The following CSMD2 variants were observed in gnomAD, a reference collection of about 807,000 sequenced individuals.
The protein encoded by CSMD2 is CUB and Sushi multiple domains 2.
In CSMD2, 130 loss-of-function variants were observed where a neutral mutation model predicts 398.5. The observed-to-expected ratio is 0.33, with a 90% CI of 0.28 to 0.38. The LOEUF (loss-of-function observed/expected upper bound fraction) is 0.38, where lower values mean the gene tolerates loss of function less well. Ranked by LOEUF, CSMD2 falls within the 10% of genes least tolerant of loss-of-function variation. CSMD2 has a pLI of 1.00. For synonymous variants in CSMD2, 1,828 were observed against 1,908.5 expected, an observed-to-expected ratio of 0.96 and a Z score of 1.10; for missense variants, 3,829 against 4,764.9, an observed-to-expected ratio of 0.80 and a Z score of 5.78.
intron 5 of CSMD2, among the ~76,000 whole-genome samples, chr1:33,854,741 T>C (rs1229919235): frequency 6.6e-6 from 1 of 152,270 alleles, no homozygotes; most frequent in African/African-American, 2.4e-5. Context: ...CAGCTAATTG[T>C]TAGCTCCAGG....
chr1:34,145,645 C>T (rs1162544651), intron 1 of CSMD2, among the ~76,000 whole-genome samples: 1 of 152,196 alleles, frequency 6.6e-6, no homozygotes, highest in Non-Finnish European at 1.5e-5. Context: ...ACACAAGACT[C>T]TTGGGAGGAA....
intron 25 of CSMD2, among the ~76,000 whole-genome samples, chr1:33,676,774 A>G (rs1225980893): frequency 5.3e-5 from 8 of 152,136 alleles, no homozygotes; most frequent in South Asian, 4.1e-4. Context: ...ATAGACCAAT[A>G]GAACAGAACA....
intron 48 of CSMD2, 68 bp downstream of exon 48, chr1:33,580,685 C>A: frequency 6.4e-7 from 1 of 1,568,370 alleles, no homozygotes; most frequent in South Asian, 1.2e-5. Flanking sequence ...GCCGCCCGGT[C>A]TCCACAGAGG....
Position 34,165,136 on chromosome 1 carries a change from C to T in CSMD2, c.-39G>A. 1 of 1,210,994 alleles carries T rather than the reference C, an allele frequency of 8.3e-7. No homozygotes were observed. The highest frequency in any genetic ancestry group is 4.4e-5 in the Admixed American group (1 of 22,946). 75.0% of individuals were successfully genotyped at this position (1,210,994 alleles called of 1,614,324 possible). A position where few individuals can be genotyped will look rare whatever the true frequency, so the allele number is the denominator to read the frequency against. The stretch of plus-strand genomic sequence containing the variant: ...GCGCCGAGGGAGAGGCTCCGCTCGC[C>T]GCCGAGGAGAAAGGAGGTCAGGAGA... On this transcript the variant is annotated 5_prime_UTR_variant, in exon 1 of 71. Coordinates refer to ENST00000373381, the MANE Select transcript of CSMD2 (RefSeq NM_001281956.2).
chr1:34,123,469 G>T (rs991508709), intron 1 of CSMD2, among the ~76,000 whole-genome samples: 2 of 151,760 alleles, frequency 1.3e-5, no homozygotes, highest in African/African-American at 4.8e-5. Context: ...ACTGGTAAAC[G>T]TATGTGTTTC....
At position 33,540,506 on chromosome 1, in the gene CSMD2, G is replaced by A. The variant is rs1656228271; in HGVS notation, c.9631+19C>T. The A allele has an allele frequency of 1.9e-6, 3 of 1,613,670 alleles. No individual in the cohort carries two copies. Among genetic ancestry groups the A allele is most frequent in the Middle Eastern group, 1.7e-4 (1 of 6,056 alleles). Reference sequence around the variant, plus strand: ...AGCTATTGAAGAGGATGCACCAAAGGCCCTTGTAAGCAACTTACGGAAACA... The same window carrying A: ...AGCTATTGAAGAGGATGCACCAAAGACCCTTGTAAGCAACTTACGGAAACA... On this transcript the variant is annotated intron_variant, in intron 60 of 70. Transcript: ENST00000373381.
intron 27 of CSMD2, among the ~76,000 whole-genome samples, chr1:33,654,130 G>A (rs934034658): frequency 6.6e-6 from 1 of 152,168 alleles, no homozygotes; most frequent in African/African-American, 2.4e-5. Context: ...TGAGTAGTCT[G>A]CTTTTTGTTC....
At chr1:33,866,092 T>C (rs1640012491) in intron 5 of CSMD2, among the ~76,000 whole-genome samples, 1 of 152,208 alleles carries the variant, frequency 6.6e-6, no homozygotes, top group Admixed American at 6.5e-5. Context: ...CTTTCTACTC[T>C]ACTGCGCTGA....
chr1:33,977,226 G>A (rs1317731478), intron 3 of CSMD2, among the ~76,000 whole-genome samples: 2 of 152,044 alleles, frequency 1.3e-5, no homozygotes, highest in Non-Finnish European at 2.9e-5. Context: ...GGCTGGGTGG[G>A]GAGTGGGCAG....
At chr1:33,915,199 T>A (rs1643661982) in intron 5 of CSMD2, among the ~76,000 whole-genome samples, 1 of 152,228 alleles carries the variant, frequency 6.6e-6, no homozygotes, top group Non-Finnish European at 1.5e-5. Flanking sequence ...TCTGTTGTTT[T>A]TCTATGCCTT....
chr1:33,566,302 A>G (rs1429373332), intron 53 of CSMD2, among the ~76,000 whole-genome samples: 1 of 34,232 alleles, frequency 2.9e-5, no homozygotes, highest in Non-Finnish European at 8.9e-5. Context: ...ATAATCAGGA[A>G]CCTCAAAAAA....
In CSMD2 at chr1:33,626,454, C is replaced by T. The variant is rs758387692; in HGVS notation, c.5296+32G>A. 1.0e-5 allele frequency: 15 copies of T among 1,505,624 alleles called. 1 individual carries two copies. The highest frequency in any genetic ancestry group is 1.3e-5 in the Non-Finnish European group (14 of 1,104,724). 93.3% of individuals were successfully genotyped at this position (1,505,624 alleles called of 1,614,324 possible). On this transcript the variant is annotated intron_variant, in intron 33 of 70. Transcript: ENST00000373381. ...CGAGTCCCTTAAGAACCGAGATCAC[C>T]TTCCTACCTCCGGCGTCCATGTCCT...
At chr1:33,972,460 ATTAAG>A (rs1645806770) in intron 3 of CSMD2, among the ~76,000 whole-genome samples, 1 of 152,170 alleles carries the variant, frequency 6.6e-6, no homozygotes, top group African/African-American at 2.4e-5. Flanking sequence ...TACAGATGTC[ATTAAG>A]TTAAGGATGA....
intron 10 of CSMD2, 37 bp from the exon 11 acceptor site, chr1:33,792,563 C>T: frequency 1.4e-6 from 2 of 1,444,106 alleles, no homozygotes; most frequent in Non-Finnish European, 2.0e-6. Context: ...CAGGCAGGGG[C>T]TGTGAGGAAG....
At chr1:33,576,581 ACT>A (rs879899761) in intron 49 of CSMD2, among the ~76,000 whole-genome samples, 99 of 152,104 alleles carry the variant, frequency 6.5e-4, no homozygotes, top group Admixed American at 8.5e-4. Context: ...ACAGAGGGAG[ACT>A]CTGTCTCAAA....
chr1:34,085,275 A>G (rs563296803), intron 2 of CSMD2, among the ~76,000 whole-genome samples: 8 of 152,132 alleles, frequency 5.3e-5, no homozygotes, highest in Non-Finnish European at 1.0e-4. Flanking sequence ...GATATACCTA[A>G]TGCTAAATGA....
intron 3 of CSMD2, among the ~76,000 whole-genome samples, chr1:33,983,848 G>A (rs1646255245): frequency 6.6e-6 from 1 of 152,048 alleles, no homozygotes; most frequent in Admixed American, 6.6e-5. Flanking sequence ...CCATAACCAG[G>A]GGTGTTATGA....
chr1:33,738,554 T>C (rs1227560968), intron 15 of CSMD2, among the ~76,000 whole-genome samples: 1 of 152,132 alleles, frequency 6.6e-6, no homozygotes, highest in Non-Finnish European at 1.5e-5. Flanking sequence ...AACTGTCTTG[T>C]GTGGCGAGGC....
intron 5 of CSMD2, among the ~76,000 whole-genome samples, chr1:33,887,256 A>AAG (rs10648863): frequency 6.6e-6 from 1 of 151,456 alleles, no homozygotes; most frequent in African/African-American, 2.4e-5. Flanking sequence ...GAAAAAAAAA[A>AAG]GCTTTGCACA....
Sources: allele counts gnomAD v4.1 joint callset (sites outside exome capture counted in the v4.1 genomes callset), GRCh38; gene constraint gnomAD v4.1.1; transcripts MANE v1.5; gene names NCBI Gene and HGNC (gene_info 2026-07-23, HGNC 2026-07-21).